The following IQCH variants were observed in gnomAD, a reference collection of about 807,000 sequenced individuals.
The protein encoded by IQCH is IQ domain-containing protein H.
IQCH carries 98 observed loss-of-function variants against 117.0 expected under a neutral mutation model. The observed-to-expected ratio is 0.84, with a 90% CI of 0.71 to 0.99. The LOEUF (loss-of-function observed/expected upper bound fraction) is 0.99, where lower values mean the gene tolerates loss of function less well. Ranked by LOEUF, IQCH falls within the 50% of genes least tolerant of loss-of-function variation. The pLI, the probability that IQCH is intolerant of heterozygous loss-of-function variation, is 0.00. For synonymous variants in IQCH, 412 were observed against 448.2 expected, an observed-to-expected ratio of 0.92 and a Z score of 1.02; for missense variants, 1,102 against 1,243.8, an observed-to-expected ratio of 0.89 and a Z score of 1.72.
intron 8 of IQCH, 121 bp from the exon 9 acceptor site, chr15:67,371,990 C>G: frequency 1.2e-6 from 1 of 855,602 alleles, no homozygotes; most frequent in African/African-American, 1.7e-5. Flanking sequence ...TAAATCAGTG[C>G]TAGGATTCAT....
Position 67,459,305 on chromosome 15 carries a change from T to C in IQCH, c.2506-5822T>C, listed in dbSNP as rs1026584473. On this transcript the variant is annotated intron_variant, in intron 16 of 20. Coordinates refer to ENST00000335894, the MANE Select transcript of IQCH (RefSeq NM_001031715.3). The surrounding 1 kb of genome is among the most constrained non-coding windows in gnomAD (Gnocchi z 4.2). ...TGATTCTTCAGTGAGTGTTATTTGA[T>C]CTATAAATTAGTCTCTGAGTCCCAT... Among the ~76,000 whole-genome samples, 10 of 152,204 alleles carry C rather than the reference T, an allele frequency of 6.6e-5. No homozygotes were observed. Among genetic ancestry groups the C allele is most frequent in the Admixed American group, 4.6e-4 (7 of 15,288 alleles).
intron 4 of IQCH, among the ~76,000 whole-genome samples, chr15:67,294,287 A>G (rs150870856): frequency 3.3e-5 from 5 of 152,294 alleles, no homozygotes; most frequent in African/African-American, 1.2e-4. Context: ...GCTAGATTAG[A>G]TGCCATGGTT....
At chr15:67,446,683 G>A (rs925246681) in intron 16 of IQCH, among the ~76,000 whole-genome samples, 3 of 152,180 alleles carry the variant, frequency 2.0e-5, no homozygotes. Context: ...TTTTTCCCAG[G>A]GCCCTAAAGC....
rs141314534 is a variant in IQCH, at chr15:67,463,308, C to A, written c.2506-1819C>A. On this transcript the variant is annotated intron_variant, in intron 16 of 20. Coordinates refer to ENST00000335894, the MANE Select transcript of IQCH (RefSeq NM_001031715.3). This position sits in a 1 kb window ranked among gnomAD's most constrained non-coding sequence, Gnocchi z 4.0. Reference sequence around the variant, plus strand: ...ATTACAGCATACTCCAGAAATACTTCATGTTTTCTCCACAAGACATTTTCA... The same window carrying A: ...ATTACAGCATACTCCAGAAATACTTAATGTTTTCTCCACAAGACATTTTCA... 2.0e-5 allele frequency among the ~76,000 whole-genome samples: 3 copies of A among 152,198 alleles called. No individual in the cohort carries two copies. Among genetic ancestry groups the A allele is most frequent in the Non-Finnish European group, 4.4e-5 (3 of 68,044 alleles).
chr15:67,279,413 T>G lies in IQCH; in HGVS notation c.288T>G (p.Ile96Met). 1 of 1,598,146 alleles carries G rather than the reference T, an allele frequency of 6.3e-7. No individual in the cohort carries two copies. Among genetic ancestry groups the G allele is most frequent in the Non-Finnish European group, 8.6e-7 (1 of 1,167,668 alleles). ...QASKWLLPTV[I>M]DQKSFIFPQE... ...TACTTAGGTTACTTCCAACTGTAAT[T>G]GATCAGAAATCATTTATTTTCCCTC... Residue 96 changes from isoleucine (I) to methionine (M), a missense_variant, in exon 4 of 21, where the codon ATT becomes ATG. Coordinates refer to ENST00000335894, the MANE Select transcript of IQCH (RefSeq NM_001031715.3).
intron 4 of IQCH, 63 bp downstream of exon 4, chr15:67,279,575 G>C (rs908710546): frequency 2.7e-5 from 24 of 905,484 alleles, no homozygotes; most frequent in East Asian, 2.2e-4. Flanking sequence ...GCTGGGAGGA[G>C]CAGAGACTAG....
chr15:67,274,855 T>C (rs541374221), intron 3 of IQCH, among the ~76,000 whole-genome samples: 18 of 152,324 alleles, frequency 1.2e-4, no homozygotes, highest in African/African-American at 3.8e-4. Flanking sequence ...ACTAGGTTGC[T>C]GTCTCCTTTT....
intron 18 of IQCH, among the ~76,000 whole-genome samples, chr15:67,485,306 A>G (rs2083444742): frequency 6.6e-6 from 1 of 152,358 alleles, no homozygotes; most frequent in East Asian, 1.9e-4. Context: ...TATGAATTTA[A>G]TAGGTTATCA....
At chr15:67,478,182 C>T (rs1221922381) in intron 18 of IQCH, among the ~76,000 whole-genome samples, 2 of 151,854 alleles carry the variant, frequency 1.3e-5, no homozygotes, top group Admixed American at 6.6e-5. Context: ...GTCAGGAGTT[C>T]GAGTCCAGCC....
intron 5 of IQCH, among the ~76,000 whole-genome samples, chr15:67,339,237 G>T (rs1249720152): frequency 6.6e-6 from 1 of 151,904 alleles, no homozygotes; most frequent in Admixed American, 6.6e-5. Flanking sequence ...AATAAAACAT[G>T]GTGTTTTATT....
chr15:67,462,178 T>C lies in IQCH; in HGVS notation c.2506-2949T>C, dbSNP rs2082814367. 4.0e-5 allele frequency among the ~76,000 whole-genome samples: 6 copies of C among 151,524 alleles called. No individual in the cohort carries two copies. The South Asian group carries it at 1.0e-3, about 26-fold the overall frequency. Reference sequence around the variant, plus strand: ...TGGGCGCGGTGGCTCATGTCTGTAATTTCAGCACTTTGGGAGGCCGAGAGT... The same window carrying C: ...TGGGCGCGGTGGCTCATGTCTGTAACTTCAGCACTTTGGGAGGCCGAGAGT... On this transcript the variant is annotated intron_variant, in intron 16 of 20. Coordinates refer to ENST00000335894, the MANE Select transcript of IQCH (RefSeq NM_001031715.3).
chr15:67,271,640 T>A (rs181427374), intron 3 of IQCH, among the ~76,000 whole-genome samples: 99 of 152,328 alleles, frequency 6.5e-4, no homozygotes, highest in African/African-American at 2.3e-3. Context: ...TGGTTCAATC[T>A]TGGTAGGTTG....
intron 16 of IQCH, among the ~76,000 whole-genome samples, chr15:67,438,527 C>CG (rs2082192331): frequency 6.6e-6 from 1 of 152,078 alleles, no homozygotes; most frequent in Non-Finnish European, 1.5e-5. Context: ...ACACAGGCAA[C>CG]GAAGAGCAGG....
At chr15:67,478,649 G>A (rs1382138532) in intron 18 of IQCH, among the ~76,000 whole-genome samples, 2 of 152,268 alleles carry the variant, frequency 1.3e-5, no homozygotes, top group Middle Eastern at 3.4e-3. Flanking sequence ...AGATAGGCTG[G>A]GCACGGTGGC....
chr15:67,368,582 G>A (rs1970414581), intron 8 of IQCH, among the ~76,000 whole-genome samples: 1 of 152,188 alleles, frequency 6.6e-6, no homozygotes, highest in Non-Finnish European at 1.5e-5. Context: ...AATTGCCTGG[G>A]CTAATTACTA....
chr15:67,445,595 C>T lies in IQCH; in HGVS notation c.2506-19532C>T, dbSNP rs1003604296. Among the ~76,000 whole-genome samples the T allele has an allele frequency of 6.6e-6, 1 of 152,132 alleles. No homozygotes were observed. The highest frequency in any genetic ancestry group is 2.4e-5 in the African/African-American group (1 of 41,430). ...CTGGGGTTGCAGGTGTGTGCCACCA[C>T]ACCAGGCTAATTTTTATATTTTTAG... On this transcript the variant is annotated intron_variant, in intron 16 of 20. Coordinates refer to ENST00000335894, the MANE Select transcript of IQCH (RefSeq NM_001031715.3). This position sits in a 1 kb window ranked among gnomAD's most constrained non-coding sequence, Gnocchi z 4.3.
At chr15:67,303,131 A>C (rs1285032845) in intron 4 of IQCH, among the ~76,000 whole-genome samples, 3 of 152,206 alleles carry the variant, frequency 2.0e-5, no homozygotes, top group Non-Finnish European at 4.4e-5. Context: ...CACTTAATTG[A>C]AAGGAAAACA....
chr15:67,258,552 A>C (rs945608062), intron 1 of IQCH, among the ~76,000 whole-genome samples: 1 of 151,902 alleles, frequency 6.6e-6, no homozygotes, highest in Admixed American at 6.6e-5. Flanking sequence ...AAAAGAATGA[A>C]GTTAAAGATA....
At chr15:67,434,785 CTT>C (rs775675138) in intron 16 of IQCH, among the ~76,000 whole-genome samples, 6 of 126,818 alleles carry the variant, frequency 4.7e-5, no homozygotes, top group Non-Finnish European at 3.2e-5. Context: ...CTTTTCTTTT[CTT>C]TTTTTTTTTT....
Sources: allele counts gnomAD v4.1 joint callset (sites outside exome capture counted in the v4.1 genomes callset), GRCh38; gene constraint gnomAD v4.1.1; non-coding constraint Gnocchi (gnomAD v3.1); transcripts MANE v1.5; gene names NCBI Gene and HGNC (gene_info 2026-07-23, HGNC 2026-07-21).